TTLL7: variants seen among roughly 807,000 people sequenced by gnomAD.
TTLL7 encodes tubulin tyrosine ligase like 7.
Under a neutral mutation model 120.2 loss-of-function variants are expected in TTLL7, and 53 were observed. That is an observed-to-expected ratio of 0.44 (90% CI 0.35 to 0.55). The LOEUF (loss-of-function observed/expected upper bound fraction) is 0.55. Among genes scored for constraint, TTLL7 ranks in the 20% least tolerant of loss-of-function variants. The probability of loss-of-function intolerance (pLI) is 0.00; values close to 1 mark genes in which losing one functional copy is unlikely to be tolerated. For missense variants in TTLL7, 803 were observed against 1,054.7 expected (o/e 0.76, Z 3.31); for synonymous variants, 353 against 351.7 (o/e 1.00, Z -0.04).
At chr1:83,971,393 G>A (rs1454882961) in intron 1 of TTLL7, among the ~76,000 whole-genome samples, 1 of 152,056 alleles carries the variant, frequency 6.6e-6, no homozygotes, top group Admixed American at 6.6e-5. Context: ...AAATCTGTTT[G>A]GTGGATGTAA....
At chr1:83,958,399 A>G (rs1463597309) in intron 1 of TTLL7, among the ~76,000 whole-genome samples, 1 of 152,216 alleles carries the variant, frequency 6.6e-6, no homozygotes, top group African/African-American at 2.4e-5. Context: ...AAATGTAACA[A>G]AAAATATATC....
intron 15 of TTLL7, among the ~76,000 whole-genome samples, chr1:83,908,563 C>T (rs1657408800): frequency 6.6e-6 from 1 of 151,792 alleles, no homozygotes; most frequent in Admixed American, 6.6e-5. Flanking sequence ...AAATATCTTC[C>T]CCAATGCATA....
chr1:83,916,083 C>T (rs546530631), intron 14 of TTLL7, among the ~76,000 whole-genome samples: 5 of 152,188 alleles, frequency 3.3e-5, no homozygotes, highest in African/African-American at 9.6e-5. Flanking sequence ...GTCAGTGTGG[C>T]GATTCCTCAG....
intron 1 of TTLL7, among the ~76,000 whole-genome samples, chr1:83,977,293 T>C (rs918000461): frequency 6.6e-6 from 1 of 152,072 alleles, no homozygotes; most frequent in African/African-American, 2.4e-5. Flanking sequence ...AAATGAGAAT[T>C]AAACTTTGGA....
At chr1:83,921,862 C>T (rs1316450015) in intron 10 of TTLL7, among the ~76,000 whole-genome samples, 1 of 152,106 alleles carries the variant, frequency 6.6e-6, no homozygotes, top group Non-Finnish European at 1.5e-5. Context: ...ATACTGACCA[C>T]TCTTTAATAC....
chr1:83,940,280 T>TA (rs1398572262), intron 7 of TTLL7, among the ~76,000 whole-genome samples: 1 of 152,130 alleles, frequency 6.6e-6, no homozygotes, highest in Non-Finnish European at 1.5e-5. Context: ...TCCAATACTA[T>TA]AAAAAGATCA....
In TTLL7 at chr1:83,881,517, A is replaced by G. The variant is rs372583445; in HGVS notation, c.2543+1446T>C. 5.3e-5 allele frequency among the ~76,000 whole-genome samples: 8 copies of G among 151,988 alleles called. No homozygotes were observed. In the South Asian group the frequency reaches 1.0e-3, roughly 20 times the overall value. On this transcript the variant is annotated intron_variant, in intron 20 of 20. Coordinates refer to ENST00000260505, the MANE Select transcript of TTLL7 (RefSeq NM_024686.6). Reference sequence around the variant, plus strand: ...CACCATCACTGGCCATCAGAGAAATACAAATCAAAACCACAATGAGATACC... The same window carrying G: ...CACCATCACTGGCCATCAGAGAAATGCAAATCAAAACCACAATGAGATACC...
intron 20 of TTLL7, among the ~76,000 whole-genome samples, chr1:83,871,377 A>G (rs1040542875): frequency 3.3e-5 from 5 of 152,206 alleles, no homozygotes; most frequent in Non-Finnish European, 7.3e-5. Context: ...CTATATGTCT[A>G]GAGAGAAATG....
chr1:83,976,767 T>C (rs1216746656), intron 1 of TTLL7, among the ~76,000 whole-genome samples: 1 of 152,152 alleles, frequency 6.6e-6, no homozygotes, highest in African/African-American at 2.4e-5. Flanking sequence ...TTCCATTTCC[T>C]GTTTCCCTAC....
At chr1:83,984,667 C>T (rs1652281725) in intron 1 of TTLL7, among the ~76,000 whole-genome samples, 2 of 152,142 alleles carry the variant, frequency 1.3e-5, no homozygotes. Context: ...CAAATTAACA[C>T]AGGAACAGGA....
chr1:83,887,294 A>T (rs1246786921), intron 19 of TTLL7: 1 of 1,069,986 alleles, frequency 9.3e-7, no homozygotes, highest in East Asian at 6.6e-5. Context: ...ACTGTGAAAG[A>T]AAGTTGAACC....
At chr1:83,922,533 T>C (rs1242333082) in intron 10 of TTLL7, among the ~76,000 whole-genome samples, 4 of 152,186 alleles carry the variant, frequency 2.6e-5, no homozygotes, top group African/African-American at 9.6e-5. Context: ...TTCTCTTTCA[T>C]GACAACATTC....
At chr1:83,994,103 C>T (rs963039290) in intron 1 of TTLL7, among the ~76,000 whole-genome samples, 1 of 152,202 alleles carries the variant, frequency 6.6e-6, no homozygotes, top group African/African-American at 2.4e-5. Flanking sequence ...AAATACTCTG[C>T]CTATGTTAAT....
intron 18 of TTLL7, among the ~76,000 whole-genome samples, chr1:83,901,774 T>A (rs958881460): frequency 6.6e-6 from 1 of 151,952 alleles, no homozygotes; most frequent in Non-Finnish European, 1.5e-5. Context: ...CTTACTCAGA[T>A]AAAAGTATAT....
intron 14 of TTLL7, among the ~76,000 whole-genome samples, chr1:83,913,829 C>G (rs1457236298): frequency 6.6e-5 from 10 of 151,846 alleles, no homozygotes; most frequent in Non-Finnish European, 1.5e-4. Flanking sequence ...GTTTGGATGA[C>G]AAGCCTTATA....
rs553619895 is a variant in TTLL7, at chr1:83,955,578, G to A, written c.-176-3191C>T. On this transcript the variant is annotated intron_variant, in intron 1 of 20. Coordinates refer to ENST00000260505, the MANE Select transcript of TTLL7 (RefSeq NM_024686.6). Reference sequence around the variant, plus strand: ...AAAAGCAGAAACAGCAGCCCTCACCGTCAATAAACCTGCCACCACCTTGAT... The same window carrying A: ...AAAAGCAGAAACAGCAGCCCTCACCATCAATAAACCTGCCACCACCTTGAT... Among the ~76,000 whole-genome samples, 31 of 152,246 alleles carry A rather than the reference G, an allele frequency of 2.0e-4. 1 individual carries two copies. The highest frequency in any genetic ancestry group is 1.2e-3 in the South Asian group (6 of 4,822).
At position 83,935,353 on chromosome 1, in the gene TTLL7, C is replaced by T. The variant is rs563337270; in HGVS notation, c.889-1587G>A. Among the ~76,000 whole-genome samples the T allele has an allele frequency of 1.7e-4, 26 of 152,004 alleles. 1 individual carries two copies. The highest frequency in any genetic ancestry group is 5.3e-4 in the African/African-American group (22 of 41,484). ...GAATTACAAATCTGTGTTTTTGCTACGTAGAAAATAACCTGCTTTTAGATT... is the reference window on the plus strand; with the variant it reads ...GAATTACAAATCTGTGTTTTTGCTATGTAGAAAATAACCTGCTTTTAGATT... On this transcript the variant is annotated intron_variant, in intron 8 of 20. Coordinates refer to ENST00000260505, the MANE Select transcript of TTLL7 (RefSeq NM_024686.6).
At chr1:83,892,471 T>C (rs1371620562) in intron 18 of TTLL7, among the ~76,000 whole-genome samples, 1 of 129,358 alleles carries the variant, frequency 7.7e-6, no homozygotes, top group African/African-American at 2.9e-5. Flanking sequence ...AACATATATA[T>C]GAACATATGA....
Position 83,913,231 on chromosome 1 carries a change from AT to A in TTLL7, c.1588-1869del, listed in dbSNP as rs371135802. On this transcript the variant is annotated intron_variant, in intron 14 of 20. Coordinates refer to ENST00000260505, the MANE Select transcript of TTLL7 (RefSeq NM_024686.6). ...GAGTTATGGCACAACCATACTACTT[AT>A]TTTTTATGTCCAATTTTATTATGAA... Among the ~76,000 whole-genome samples the A allele has an allele frequency of 3.0e-3, 464 of 152,262 alleles. 3 individuals carry two copies. The highest frequency in any genetic ancestry group is 0.01 in the African/African-American group (429 of 41,554).
Sources: allele counts gnomAD v4.1 joint callset (sites outside exome capture counted in the v4.1 genomes callset), GRCh38; gene constraint gnomAD v4.1.1; transcripts MANE v1.5; gene names NCBI Gene and HGNC (gene_info 2026-07-23, HGNC 2026-07-21).